Variants in KIAA1328 observed in about 807,000 individuals in gnomAD.
KIAA1328 encodes the protein KIAA1328.
KIAA1328 carries 52 observed loss-of-function variants against 68.1 expected under a neutral mutation model. That is an observed-to-expected ratio of 0.76 (90% CI 0.61 to 0.96). KIAA1328 has a LOEUF of 0.96. Among genes scored for constraint, KIAA1328 ranks in the 40% least tolerant of loss-of-function variants. The pLI is 0.00. For synonymous variants in KIAA1328, 232 were observed against 239.4 expected (o/e 0.97, Z 0.28); for missense variants, 641 against 677.6 (o/e 0.95, Z 0.60).
Position 37,178,395 on chromosome 18 carries a change from A to G in KIAA1328, c.1523+5314A>G, listed in dbSNP as rs114478727. ...GACATAATATGCTTCAGGTTCATCT[A>G]TGTTGCCACAAATGACAGGATTTCA... On this transcript the variant is annotated intron_variant, in intron 9 of 9. Coordinates refer to ENST00000280020, the MANE Select transcript of KIAA1328 (RefSeq NM_020776.3). Among the ~76,000 whole-genome samples, 1,008 of 152,314 alleles carry G rather than the reference A, an allele frequency of 6.6e-3. 14 individuals carry two copies. Among genetic ancestry groups the G allele is most frequent in the African/African-American group, 0.022 (930 of 41,568 alleles).
At chr18:37,220,929 C>T (rs894347040) in intron 9 of KIAA1328, among the ~76,000 whole-genome samples, 4 of 152,156 alleles carry the variant, frequency 2.6e-5, no homozygotes, top group African/African-American at 7.2e-5. Flanking sequence ...CAGGTTCAAG[C>T]GATTCTCCTG....
At chr18:36,942,177 A>G (rs1379904084) in intron 5 of KIAA1328, among the ~76,000 whole-genome samples, 1 of 152,230 alleles carries the variant, frequency 6.6e-6, no homozygotes, top group Non-Finnish European at 1.5e-5. Context: ...GAACTGAAAT[A>G]GCTGGAAGAT....
intron 5 of KIAA1328, among the ~76,000 whole-genome samples, chr18:36,895,352 T>G (rs1005297269): frequency 2.0e-5 from 3 of 151,978 alleles, no homozygotes; most frequent in African/African-American, 7.3e-5. Context: ...TAGGCTAGAG[T>G]AGGGGTGAGA....
intron 6 of KIAA1328, among the ~76,000 whole-genome samples, chr18:37,060,150 A>G: frequency 6.6e-6 from 1 of 151,880 alleles, no homozygotes; most frequent in East Asian, 1.9e-4. Flanking sequence ...CAGAACTTAA[A>G]GTATAATAAT....
At chr18:37,071,597 A>G (rs2056537445) in intron 7 of KIAA1328, among the ~76,000 whole-genome samples, 1 of 152,204 alleles carries the variant, frequency 6.6e-6, no homozygotes, top group African/African-American at 2.4e-5. Context: ...TATAAATTAT[A>G]CCAGAGGATG....
At chr18:36,845,731 CAT>C (rs1285905920) in intron 4 of KIAA1328, among the ~76,000 whole-genome samples, 3 of 151,628 alleles carry the variant, frequency 2.0e-5, no homozygotes, top group South Asian at 2.1e-4. Flanking sequence ...TAAGGATAGA[CAT>C]ATACATCAGC....
chr18:36,927,836 AGAAG>A (rs1294370752), intron 5 of KIAA1328, among the ~76,000 whole-genome samples: 1 of 151,938 alleles, frequency 6.6e-6, no homozygotes, highest in Non-Finnish European at 1.5e-5. Context: ...AAGAAAGGAA[AGAAG>A]GAAGGGAGGG....
intron 4 of KIAA1328, among the ~76,000 whole-genome samples, chr18:36,883,545 C>T (rs1209564470): frequency 1.3e-5 from 2 of 152,208 alleles, no homozygotes; most frequent in Non-Finnish European, 2.9e-5. Context: ...TTGCATTACT[C>T]ACTGTTTGCT....
intron 6 of KIAA1328, among the ~76,000 whole-genome samples, chr18:37,049,135 G>C (rs1052838888): frequency 6.6e-6 from 1 of 152,172 alleles, no homozygotes; most frequent in Non-Finnish European, 1.5e-5. Context: ...AGAGTTCACA[G>C]TTTAAGAGAA....
chr18:37,201,322 A>G (rs979205309), intron 9 of KIAA1328, among the ~76,000 whole-genome samples: 1 of 152,232 alleles, frequency 6.6e-6, no homozygotes, highest in Non-Finnish European at 1.5e-5. Flanking sequence ...TGCCAATGAA[A>G]AAACATCATA....
At chr18:37,135,418 A>C (rs1221895912) in intron 7 of KIAA1328, among the ~76,000 whole-genome samples, 4 of 152,126 alleles carry the variant, frequency 2.6e-5, no homozygotes, top group Non-Finnish European at 5.9e-5. Flanking sequence ...ATGGTATCTC[A>C]TTACGGTTTT....
At chr18:36,962,498 C>A (rs1188452237) in intron 6 of KIAA1328, among the ~76,000 whole-genome samples, 8 of 152,164 alleles carry the variant, frequency 5.3e-5, no homozygotes. Flanking sequence ...AACTCTCTAC[C>A]CCAAATCAAC....
At chr18:37,078,192 G>C (rs1180894953) in intron 7 of KIAA1328, among the ~76,000 whole-genome samples, 2 of 152,166 alleles carry the variant, frequency 1.3e-5, no homozygotes, top group Non-Finnish European at 2.9e-5. Context: ...ACAACTATCT[G>C]ATCTTTGACA....
chr18:37,183,733 G>A (rs962021699), intron 9 of KIAA1328, among the ~76,000 whole-genome samples: 1 of 152,138 alleles, frequency 6.6e-6, no homozygotes, highest in African/African-American at 2.4e-5. Context: ...CATATTGTTG[G>A]TGTCAGTCTT....
At chr18:36,838,917 T>G (rs1310743081) in intron 3 of KIAA1328, among the ~76,000 whole-genome samples, 2 of 152,160 alleles carry the variant, frequency 1.3e-5, no homozygotes, top group African/African-American at 4.8e-5. Flanking sequence ...GTATTTTTAG[T>G]AGAGATGGGG....
chr18:36,935,273 A>G (rs1438439322), intron 5 of KIAA1328, among the ~76,000 whole-genome samples: 7 of 152,244 alleles, frequency 4.6e-5, no homozygotes, highest in Admixed American at 4.6e-4. Context: ...TCTTTTGAGT[A>G]GAAATCAGCC....
At chr18:37,106,596 T>G (rs1359990718) in intron 7 of KIAA1328, among the ~76,000 whole-genome samples, 1 of 151,978 alleles carries the variant, frequency 6.6e-6, no homozygotes, top group East Asian at 1.9e-4. Context: ...TTTTTGTATT[T>G]TTGATAGAGA....
chr18:37,079,936 C>T (rs976160429), intron 7 of KIAA1328, among the ~76,000 whole-genome samples: 1 of 149,760 alleles, frequency 6.7e-6, no homozygotes, highest in African/African-American at 2.4e-5. Flanking sequence ...TAATTTTCTT[C>T]CAATTTCATT....
In KIAA1328 at chr18:36,847,469, A is replaced by G. The variant is rs543330665; in HGVS notation, c.332+3167A>G. Among the ~76,000 whole-genome samples the G allele has an allele frequency of 2.0e-5, 3 of 151,592 alleles. No homozygotes were observed. In the South Asian group the frequency reaches 6.2e-4, roughly 31 times the overall value. On this transcript the variant is annotated intron_variant, in intron 4 of 9. Coordinates refer to ENST00000280020, the MANE Select transcript of KIAA1328 (RefSeq NM_020776.3). ...AATGAGTGTAGTGGTTTCTCCTTGT[A>G]GAAATAATTAGTGTTTACCGGTGAC...
Sources: gnomAD v4.1 joint callset for allele counts (sites outside exome capture counted in the v4.1 genomes callset) on GRCh38, gnomAD v4.1.1 for gene constraint, MANE v1.5 for transcripts, NCBI Gene and HGNC (gene_info 2026-07-23, HGNC 2026-07-21) for gene names.